The following GREB1L variants were observed in gnomAD, a reference collection of about 807,000 sequenced individuals.
GREB1L encodes GREB1 like retinoic acid receptor coactivator, also known as GREB1-like protein.
Under a neutral mutation model 200.8 loss-of-function variants are expected in GREB1L, and 17 were observed. That is an observed-to-expected ratio of 0.08 (90% CI 0.06 to 0.13). The LOEUF (loss-of-function observed/expected upper bound fraction) is 0.13, where lower values mean the gene tolerates loss of function less well. Ranked by LOEUF, GREB1L falls within the 10% of genes least tolerant of loss-of-function variation. The pLI is 1.00. For missense variants in GREB1L, 1,657 were observed against 2,367.7 expected (o/e 0.70, Z 6.23); for synonymous variants, 789 against 893.0 (o/e 0.88, Z 2.08).
chr18:21,258,915 A>C (rs2037845064), intron 1 of GREB1L, among the ~76,000 whole-genome samples: 1 of 152,214 alleles, frequency 6.6e-6, no homozygotes, highest in Non-Finnish European at 1.5e-5. Flanking sequence ...TGCATAGTGG[A>C]ATAGAGCCAT....
At chr18:21,347,730 T>TAGGC (rs2039368940) in intron 1 of GREB1L, among the ~76,000 whole-genome samples, 1 of 150,788 alleles carries the variant, frequency 6.6e-6, no homozygotes, top group East Asian at 2.0e-4. Flanking sequence ...GTGCTAGGAT[T>TAGGC]AGGCGTGAGC....
At chr18:21,471,221 A>G (rs2035469569) in intron 15 of GREB1L, among the ~76,000 whole-genome samples, 3 of 152,230 alleles carry the variant, frequency 2.0e-5, no homozygotes, top group African/African-American at 7.2e-5. Context: ...TTAATTATCA[A>G]TACAGTATAT....
intron 1 of GREB1L, among the ~76,000 whole-genome samples, chr18:21,349,905 T>C (rs919214020): frequency 6.6e-6 from 1 of 152,224 alleles, no homozygotes; most frequent in Non-Finnish European, 1.5e-5. Context: ...AACCCTTGGC[T>C]GTGGAAAAAT....
intron 7 of GREB1L, among the ~76,000 whole-genome samples, chr18:21,425,582 CT>C (rs555381713): frequency 3.3e-5 from 5 of 152,168 alleles, no homozygotes; most frequent in Non-Finnish European, 7.4e-5. Flanking sequence ...TATAGCCACC[CT>C]TGTGGGTACG....
chr18:21,382,491 A>T (rs1247755503), intron 2 of GREB1L, among the ~76,000 whole-genome samples: 1 of 139,090 alleles, frequency 7.2e-6, no homozygotes, highest in African/African-American at 2.7e-5. Flanking sequence ...TATACATGGA[A>T]TTTTTTTTTT....
chr18:21,407,219 C>G (rs1467749838), intron 7 of GREB1L, among the ~76,000 whole-genome samples: 6 of 152,084 alleles, frequency 3.9e-5, no homozygotes, highest in Non-Finnish European at 7.4e-5. Context: ...TTTTGGCCAC[C>G]AATCTCAGTG....
chr18:21,361,749 A>G (rs1196037560), intron 1 of GREB1L, among the ~76,000 whole-genome samples: 2 of 151,656 alleles, frequency 1.3e-5, no homozygotes, highest in Non-Finnish European at 2.9e-5. Context: ...GTTTTTGATC[A>G]GTCAGACAAT....
Position 21,454,713 on chromosome 18 carries a change from T to G in GREB1L, c.2182+150T>G, listed in dbSNP as rs1217539727. ...AAAGCACTTTGTTATTTTGGGTTTATCTGAAGTTTTCCCTCAAAGTACTCT... is the reference window on the plus strand; with the variant it reads ...AAAGCACTTTGTTATTTTGGGTTTAGCTGAAGTTTTCCCTCAAAGTACTCT... On this transcript the variant is annotated intron_variant, in intron 15 of 32. Coordinates refer to ENST00000424526, the MANE Select transcript of GREB1L (RefSeq NM_001142966.3). 8.8e-6 allele frequency: 6 copies of G among 683,822 alleles called. No homozygotes were observed. The South Asian group carries it at 9.0e-5, about 10-fold the overall frequency. The allele number at this position is 683,822 out of a possible 1,614,324, so 42.4% of individuals were successfully genotyped here. A position where few individuals can be genotyped will look rare whatever the true frequency, so the allele number is the denominator to read the frequency against.
At chr18:21,410,282 A>T (rs1308954865) in intron 7 of GREB1L, among the ~76,000 whole-genome samples, 2 of 152,084 alleles carry the variant, frequency 1.3e-5, no homozygotes, top group Non-Finnish European at 2.9e-5. Flanking sequence ...ATCTTTGCCT[A>T]TGTAGGCTCT....
At chr18:21,504,699 C>A (rs1454757661) in intron 23 of GREB1L, among the ~76,000 whole-genome samples, 3 of 152,122 alleles carry the variant, frequency 2.0e-5, no homozygotes, top group Non-Finnish European at 4.4e-5. Context: ...CATGGTGGCA[C>A]GTGCCTGTAG....
At chr18:21,287,655 G>A (rs1475732488) in intron 1 of GREB1L, among the ~76,000 whole-genome samples, 1 of 152,146 alleles carries the variant, frequency 6.6e-6, no homozygotes, top group Non-Finnish European at 1.5e-5. Flanking sequence ...AGAGTTAATA[G>A]TTACCATCTT....
intron 15 of GREB1L, chr18:21,454,864 G>A (rs781373615): frequency 9.2e-5 from 36 of 392,192 alleles, no homozygotes; most frequent in Admixed American, 4.8e-4. Flanking sequence ...TTCTCAAGGC[G>A]AGGATGGCCC....
intron 7 of GREB1L, among the ~76,000 whole-genome samples, chr18:21,412,469 A>G (rs537545020): frequency 6.6e-6 from 1 of 152,196 alleles, no homozygotes; most frequent in East Asian, 1.9e-4. Context: ...GAAAATAAAC[A>G]AACAGATGTC....
At chr18:21,447,721 A>G (rs935477915) in intron 11 of GREB1L, among the ~76,000 whole-genome samples, 3 of 152,204 alleles carry the variant, frequency 2.0e-5, no homozygotes, top group African/African-American at 7.2e-5. Context: ...ACCACCTTCT[A>G]TCCACTTTGA....
intron 1 of GREB1L, among the ~76,000 whole-genome samples, chr18:21,267,401 C>T (rs1471580939): frequency 1.3e-5 from 2 of 151,984 alleles, no homozygotes; most frequent in African/African-American, 2.4e-5. Flanking sequence ...AGGGTGGTCT[C>T]GAACTCCTGA....
intron 30 of GREB1L, 81 bp from the exon 31 acceptor site, chr18:21,517,953 T>A: frequency 9.2e-7 from 1 of 1,082,990 alleles, no homozygotes. Context: ...TGGCGACTGT[T>A]AGGATACACT....
At position 21,439,587 on chromosome 18, in the gene GREB1L, C is replaced by T. The variant is rs376022881; in HGVS notation, c.899C>T (p.Thr300Ile). Reference sequence around the variant, plus strand: ...GCATCCAGCTCCACTCCAGCCCACACAGGGAATTACTCTTTGTCACCACGA... The same window carrying T: ...GCATCCAGCTCCACTCCAGCCCACATAGGGAATTACTCTTTGTCACCACGA... ...GSASSSTPAH[T>I]GNYSLSPRPS... Residue 300 changes from threonine to isoleucine, a missense_variant, in exon 8 of 33, where the codon ACA becomes ATA. By Grantham distance (89) the Thr-to-Ile change is moderately conservative. This residue lies in a region of GREB1L where 289 missense variants were observed against 345.1 expected (regional missense o/e 0.84). Coordinates refer to ENST00000424526, the MANE Select transcript of GREB1L (RefSeq NM_001142966.3). 100 of 1,551,836 alleles carry T rather than the reference C, an allele frequency of 6.4e-5. No individual in the cohort carries two copies. The highest frequency in any genetic ancestry group is 8.1e-5 in the Non-Finnish European group (93 of 1,146,804).
chr18:21,515,740 G>A, intron 29 of GREB1L, 96 bp downstream of exon 29: 1 of 881,426 alleles, frequency 1.1e-6, no homozygotes, highest in African/African-American at 1.7e-5. Context: ...TATGTCTTCA[G>A]TTGAGAAGCT....
At chr18:21,326,448 G>T (rs2039023988) in intron 1 of GREB1L, among the ~76,000 whole-genome samples, 1 of 152,150 alleles carries the variant, frequency 6.6e-6, no homozygotes, top group African/African-American at 2.4e-5. Context: ...TCTGTCTTTA[G>T]ATCCCCAACA....
Sources: gnomAD v4.1 joint callset for allele counts (sites outside exome capture counted in the v4.1 genomes callset) on GRCh38, gnomAD v4.1.1 for gene constraint, gnomAD v4.1.1 regional missense constraint, MANE v1.5 for transcripts, NCBI Gene and HGNC (gene_info 2026-07-23, HGNC 2026-07-21) for gene names.